The following NFATC3 variants were observed in gnomAD, a reference collection of about 807,000 sequenced individuals.
NFATC3 encodes the protein nuclear factor of activated T-cells, cytoplasmic 3.
In NFATC3, 46 loss-of-function variants were observed where a neutral mutation model predicts 98.6. That is an observed-to-expected ratio of 0.47 (90% CI 0.37 to 0.60). NFATC3 has a LOEUF of 0.60. NFATC3 is among the 20% of genes least tolerant of loss of function. The probability of loss-of-function intolerance (pLI) is 0.00; values close to 1 mark genes in which losing one functional copy is unlikely to be tolerated. For synonymous variants in NFATC3, 512 were observed against 472.2 expected, an observed-to-expected ratio of 1.08 and a Z score of -1.09; for missense variants, 1,256 against 1,295.5, an observed-to-expected ratio of 0.97 and a Z score of 0.47.
At chr16:68,219,193 G>A (rs981224301) in intron 9 of NFATC3, among the ~76,000 whole-genome samples, 2 of 151,342 alleles carry the variant, frequency 1.3e-5, no homozygotes, top group East Asian at 3.9e-4. Flanking sequence ...AGACCAGCCT[G>A]AACATGGTGA....
At chr16:68,168,961 T>C (rs1330084649) in intron 5 of NFATC3, among the ~76,000 whole-genome samples, 1 of 152,208 alleles carries the variant, frequency 6.6e-6, no homozygotes, top group Non-Finnish European at 1.5e-5. Context: ...AAAAATATAT[T>C]CTTTGTATAG....
intron 3 of NFATC3, among the ~76,000 whole-genome samples, chr16:68,132,798 A>G (rs1253465267): frequency 6.6e-6 from 1 of 152,220 alleles, no homozygotes; most frequent in Non-Finnish European, 1.5e-5. Flanking sequence ...TTTCACTTAT[A>G]TGAAGGGGCT....
rs560159380 is a variant in NFATC3 at position 68,165,945 on chromosome 16, G to A, written c.1602-898G>A. Among the ~76,000 whole-genome samples the A allele has an allele frequency of 1.5e-3, 229 of 152,316 alleles. 1 individual carries two copies. The Middle Eastern group carries it at 0.017, about 11-fold the overall frequency. On this transcript the variant is annotated intron_variant, in intron 4 of 9. Transcript: ENST00000346183. ...CTGTTGTTTCCTGCCACAATAGTGT[G>A]TTAAACAGTCATACTTAATAATAAA...
chr16:68,228,324 T>C lies in NFATC3; in HGVS notation c.*1853T>C, dbSNP rs922168994. 1.3e-5 allele frequency: 2 copies of C among 152,124 alleles called. No individual in the cohort carries two copies. The highest frequency in any genetic ancestry group is 4.8e-5 in the African/African-American group (2 of 41,424). The allele number at this position is 152,124 out of a possible 1,614,324, so 9.4% of individuals were successfully genotyped here. ...CTGTGGTTGGACGCCCACAGCTTCC[T>C]TTGGAGGGGCAAGAAGTTGGCCTCT... is the stretch of plus-strand genomic sequence containing the variant. On this transcript the variant is annotated 3_prime_UTR_variant, in exon 10 of 10. Coordinates refer to ENST00000346183, the MANE Select transcript of NFATC3 (RefSeq NM_173165.3).
chr16:68,159,121 A>G (rs922942891), intron 4 of NFATC3, among the ~76,000 whole-genome samples: 2 of 152,188 alleles, frequency 1.3e-5, no homozygotes, highest in African/African-American at 4.8e-5. Flanking sequence ...AGTCCCAGCT[A>G]CTTGGGAGAC....
At chr16:68,123,256 T>C (rs534998354) in intron 2 of NFATC3, 135 bp downstream of exon 2, 10 of 864,740 alleles carry the variant, frequency 1.2e-5, no homozygotes, top group Non-Finnish European at 1.5e-5. Context: ...AAAAAAATTT[T>C]ACCAAATAAC....
intron 9 of NFATC3, among the ~76,000 whole-genome samples, chr16:68,216,696 T>C (rs1403557215): frequency 6.6e-6 from 1 of 152,068 alleles, no homozygotes; most frequent in African/African-American, 2.4e-5. Flanking sequence ...CACACCTGGC[T>C]AATATTTTGT....
At chr16:68,102,998 A>G (rs781485930) in intron 1 of NFATC3, among the ~76,000 whole-genome samples, 2 of 151,914 alleles carry the variant, frequency 1.3e-5, no homozygotes, top group African/African-American at 2.4e-5. Flanking sequence ...GGTCATTTGT[A>G]TATCTTCTTT....
chr16:68,157,963 A>G lies in NFATC3; in HGVS notation c.1496A>G (p.His499Arg). The G allele has an allele frequency of 6.2e-7, 1 of 1,614,080 alleles. No homozygotes were observed. The highest frequency in any genetic ancestry group is 8.5e-7 in the Non-Finnish European group (1 of 1,179,952). Residue 499 changes from histidine to arginine, a missense_variant, in exon 4 of 10, where the codon CAT becomes CGT. Physicochemically the swap from His to Arg is conservative, Grantham distance 29. Around this residue, in one of 3 missense-constraint regions of NFATC3, gnomAD observed 156 missense variants for 212.4 expected, o/e 0.73. Transcript: ENST00000346183. ...CGACCTCATGCATTTTACCAGGTGC[A>G]TCGAATCACTGGGAAGACAGTCGCT... ...YLRPHAFYQV[H>R]RITGKTVATA...
intron 9 of NFATC3, among the ~76,000 whole-genome samples, chr16:68,211,909 C>A (rs187215856): frequency 6.6e-5 from 10 of 152,306 alleles, no homozygotes; most frequent in Non-Finnish European, 1.3e-4. Context: ...CTTCAAGGAA[C>A]TAGAAGGATT....
chr16:68,170,484 T>C (rs971045290), intron 5 of NFATC3, among the ~76,000 whole-genome samples: 1 of 151,222 alleles, frequency 6.6e-6, no homozygotes, highest in African/African-American at 2.4e-5. Flanking sequence ...ATTAACCTTT[T>C]CTGGCTGTTC....
intron 3 of NFATC3, among the ~76,000 whole-genome samples, chr16:68,128,791 C>G (rs2151514477): frequency 6.6e-6 from 1 of 152,106 alleles, no homozygotes; most frequent in East Asian, 1.9e-4. Context: ...AGCCACTGCA[C>G]TCTAGCCTGG....
At chr16:68,108,372 A>G (rs2035775629) in intron 1 of NFATC3, among the ~76,000 whole-genome samples, 3 of 152,172 alleles carry the variant, frequency 2.0e-5, no homozygotes, top group Non-Finnish European at 4.4e-5. Flanking sequence ...GGTTTGTCAA[A>G]GATCAGATGG....
chr16:68,179,777 C>T (rs74775711), intron 6 of NFATC3, among the ~76,000 whole-genome samples: 5,460 of 152,138 alleles, frequency 0.036, 107 homozygotes, highest in Middle Eastern at 0.15. Flanking sequence ...TTTTTTAGGA[C>T]CATCAGTATC....
chr16:68,213,991 G>A (rs939392220), intron 9 of NFATC3, among the ~76,000 whole-genome samples: 1 of 152,120 alleles, frequency 6.6e-6, no homozygotes, highest in African/African-American at 2.4e-5. Context: ...TGTAGCCTTA[G>A]CCAAGTATTT....
intron 5 of NFATC3, 88 bp downstream of exon 5, chr16:68,167,103 T>G (rs1015509666): frequency 7.4e-7 from 1 of 1,360,318 alleles, no homozygotes; most frequent in Non-Finnish European, 1.0e-6. Context: ...GCGTCTGAAG[T>G]GCAAACTGAG....
At chr16:68,126,644 C>CAA (rs776759847) in intron 3 of NFATC3, 34 bp downstream of exon 3, 1 of 1,607,886 alleles carries the variant, frequency 6.2e-7, no homozygotes, top group Non-Finnish European at 8.5e-7. Context: ...TTGCAGATAC[C>CAA]ATACACCTAG....
At position 68,114,771 on chromosome 16, in the gene NFATC3, C is replaced by T. The variant is rs184968394; in HGVS notation, c.104-7216C>T. ...TGTATGTTTAGTAGAGACGGGGTTT[C>T]ACCATGTTGGCCAGGATAGTCTCGA... On this transcript the variant is annotated intron_variant, in intron 1 of 9. Coordinates refer to ENST00000346183, the MANE Select transcript of NFATC3 (RefSeq NM_173165.3). 1.9e-3 allele frequency among the ~76,000 whole-genome samples: 290 copies of T among 152,082 alleles called. 4 individuals are homozygous for T. In the South Asian group the frequency reaches 0.03, roughly 16 times the overall value.
At chr16:68,114,360 C>T (rs1384003844) in intron 1 of NFATC3, among the ~76,000 whole-genome samples, 1 of 152,152 alleles carries the variant, frequency 6.6e-6, no homozygotes, top group Admixed American at 6.5e-5. Flanking sequence ...GAGCCGCAGA[C>T]TGGAGTGGCT....
Sources: gnomAD v4.1 joint callset for allele counts (sites outside exome capture counted in the v4.1 genomes callset) on GRCh38, gnomAD v4.1.1 for gene constraint, gnomAD v4.1.1 regional missense constraint, MANE v1.5 for transcripts, NCBI Gene and HGNC (gene_info 2026-07-23, HGNC 2026-07-21) for gene names.